The following TXLNB variants were observed in gnomAD, a reference collection of about 807,000 sequenced individuals.
The protein encoded by TXLNB is beta-taxilin.
Under a neutral mutation model 57.4 loss-of-function variants are expected in TXLNB, and 37 were observed. The ratio of observed to expected loss-of-function variants is 0.64; its 90% CI spans 0.50 to 0.85. The LOEUF is 0.85. TXLNB is among the 40% of genes least tolerant of loss of function. The probability of loss-of-function intolerance (pLI) is 0.00; values close to 1 mark genes in which losing one functional copy is unlikely to be tolerated. For synonymous variants in TXLNB, 302 were observed against 309.6 expected (o/e 0.98, Z 0.26); for missense variants, 848 against 825.6 (o/e 1.03, Z -0.33).
the TXLNB span, chr6:139,166,467 G>A: frequency 1.2e-6 from 2 of 1,614,164 alleles, no homozygotes; most frequent in Admixed American, 1.7e-5. Flanking sequence ...GGCCGCGCGC[G>A]CAGCTGGAAC....
At chr6:139,263,482 A>ATAAT (rs1311692592) in intron 4 of TXLNB, among the ~76,000 whole-genome samples, 7 of 152,232 alleles carry the variant, frequency 4.6e-5, no homozygotes, top group Non-Finnish European at 1.0e-4. Flanking sequence ...AAGCAATATT[A>ATAAT]AGTTTCAAAT....
chr6:139,292,960 A>AGGG (rs1777329740), upstream of TXLNB, among the ~76,000 whole-genome samples: 1 of 152,174 alleles, frequency 6.6e-6, no homozygotes, highest in African/African-American at 2.4e-5. This position sits in a 1 kb window ranked among gnomAD's most constrained non-coding sequence, Gnocchi z 4.0. Context: ...CACCCAAAAG[A>AGGG]TCTCCACGTC....
intron 4 of TXLNB, among the ~76,000 whole-genome samples, chr6:139,266,628 CAG>C (rs1322915513): frequency 6.6e-6 from 1 of 152,060 alleles, no homozygotes; most frequent in Non-Finnish European, 1.5e-5. Flanking sequence ...TCTACACACA[CAG>C]AGTTAGAATC....
the TXLNB span, among the ~76,000 whole-genome samples, chr6:139,213,873 T>C: frequency 6.6e-6 from 1 of 151,686 alleles, no homozygotes; most frequent in African/African-American, 2.4e-5. Flanking sequence ...AACTAGAAAA[T>C]CTAGAAGAAA....
At chr6:139,173,850 TGTG>T in the TXLNB span, among the ~76,000 whole-genome samples, 1 of 152,204 alleles carries the variant, frequency 6.6e-6, no homozygotes, top group Non-Finnish European at 1.5e-5. Context: ...CTAAATTAGA[TGTG>T]GTGATGGCTG....
chr6:139,224,676 C>T, the TXLNB span, among the ~76,000 whole-genome samples: 7 of 151,508 alleles, frequency 4.6e-5, no homozygotes, highest in Non-Finnish European at 7.4e-5. Flanking sequence ...ATATAGCATA[C>T]CACAACTGAC....
At chr6:139,263,518 C>T (rs1348878893) in intron 4 of TXLNB, among the ~76,000 whole-genome samples, 1 of 152,168 alleles carries the variant, frequency 6.6e-6, no homozygotes, top group Non-Finnish European at 1.5e-5. Context: ...AGTGAAACAT[C>T]TAATTTTCCT....
At chr6:139,185,153 G>T in the TXLNB span, among the ~76,000 whole-genome samples, 1 of 152,100 alleles carries the variant, frequency 6.6e-6, no homozygotes, top group Non-Finnish European at 1.5e-5. Context: ...TGGGCAGGGA[G>T]TGGGATAGTG....
the TXLNB span, among the ~76,000 whole-genome samples, chr6:139,183,931 A>G: frequency 6.6e-6 from 1 of 151,384 alleles, no homozygotes; most frequent in African/African-American, 2.5e-5. Context: ...GTTAGAAAAC[A>G]CAAGGACTAG....
At chr6:139,291,539 A>G (rs1177106898) in intron 1 of TXLNB, among the ~76,000 whole-genome samples, 1 of 152,204 alleles carries the variant, frequency 6.6e-6, no homozygotes, top group Non-Finnish European at 1.5e-5. Flanking sequence ...AACAGTCATT[A>G]TAAAGCCCAG....
upstream of TXLNB, among the ~76,000 whole-genome samples, chr6:139,296,030 C>T (rs967310810): frequency 2.7e-5 from 4 of 149,996 alleles, no homozygotes; most frequent in African/African-American, 9.7e-5. Flanking sequence ...CTCTTAGAAC[C>T]TTGACCCCCC....
At chr6:139,275,739 G>A (rs1158269751) in intron 3 of TXLNB, among the ~76,000 whole-genome samples, 2 of 152,184 alleles carry the variant, frequency 1.3e-5, no homozygotes, top group African/African-American at 4.8e-5. Context: ...TCCATCAACA[G>A]GGATGAAGAG....
chr6:139,281,398 G>A (rs187185405), intron 2 of TXLNB, among the ~76,000 whole-genome samples: 328 of 152,146 alleles, frequency 2.2e-3, no homozygotes, highest in African/African-American at 7.4e-3. Flanking sequence ...TATCAGCTTC[G>A]AAAATACCAC....
At chr6:139,305,599 G>C in the TXLNB span, among the ~76,000 whole-genome samples, 1 of 152,152 alleles carries the variant, frequency 6.6e-6, no homozygotes, top group South Asian at 2.1e-4. Flanking sequence ...GAGTCAGAAA[G>C]ATATTCACAT....
upstream of TXLNB, among the ~76,000 whole-genome samples, chr6:139,296,012 TA>T (rs1461288235): frequency 6.6e-6 from 1 of 151,918 alleles, no homozygotes; most frequent in Non-Finnish European, 1.5e-5. Flanking sequence ...GATCCCCACA[TA>T]CAAACACTCT....
chr6:139,231,872 A>C, the TXLNB span, among the ~76,000 whole-genome samples: 1 of 152,214 alleles, frequency 6.6e-6, no homozygotes. Flanking sequence ...ATCCTTGATT[A>C]AACTTGGATA....
the TXLNB span, among the ~76,000 whole-genome samples, chr6:139,224,107 T>C: frequency 2.0e-5 from 3 of 148,554 alleles, no homozygotes. Flanking sequence ...CATGGAATAC[T>C]ATGCAGCCAT....
intron 6 of TXLNB, among the ~76,000 whole-genome samples, chr6:139,259,947 G>T (rs1382784998): frequency 6.6e-6 from 1 of 152,150 alleles, no homozygotes; most frequent in Admixed American, 6.5e-5. Context: ...TTGCGTCCAG[G>T]CGCGATGGTT....
At chr6:139,193,176 T>G in the TXLNB span, among the ~76,000 whole-genome samples, 5,227 of 150,612 alleles carry the variant, frequency 0.035, 110 homozygotes, top group Non-Finnish European at 0.048. Context: ...AATTCCTCCT[T>G]AAGTGGTCCT....
Sources: gnomAD v4.1 joint callset for allele counts (sites outside exome capture counted in the v4.1 genomes callset) on GRCh38, gnomAD v4.1.1 for gene constraint, Gnocchi (gnomAD v3.1) non-coding constraint, MANE v1.5 for transcripts, NCBI Gene and HGNC (gene_info 2026-07-23, HGNC 2026-07-21) for gene names.